Variants in IL1RAPL1 observed in about 807,000 individuals in gnomAD.
IL1RAPL1 encodes interleukin-1 receptor accessory protein-like 1.
Under a neutral mutation model 48.4 loss-of-function variants are expected in IL1RAPL1, and 3 were observed. The ratio of observed to expected loss-of-function variants is 0.06; its 90% CI spans 0.03 to 0.16. The LOEUF (loss-of-function observed/expected upper bound fraction) is 0.16. Ranked by LOEUF, IL1RAPL1 falls within the 10% of genes least tolerant of loss-of-function variation. The pLI, the probability that IL1RAPL1 is intolerant of heterozygous loss-of-function variation, is 1.00. For missense variants in IL1RAPL1, 349 were observed against 530.6 expected (o/e 0.66, Z 3.36); for synonymous variants, 185 against 187.7 (o/e 0.99, Z 0.12).
At chrX:29,908,494 T>G (rs1374667334) in intron 6 of IL1RAPL1, among the ~76,000 whole-genome samples, 1 of 110,601 alleles carries the variant, frequency 9.0e-6, no homozygotes, top group Non-Finnish European at 1.9e-5. Flanking sequence ...CTTAAGGGTA[T>G]TTTTGTCTGG....
intron 1 of IL1RAPL1, among the ~76,000 whole-genome samples, chrX:28,663,474 A>G (rs771567915): frequency 3.6e-5 from 4 of 111,863 alleles, no homozygotes; most frequent in Non-Finnish European, 5.6e-5. Flanking sequence ...TTAAAACGGG[A>G]TTGTATTTTG....
intron 2 of IL1RAPL1, among the ~76,000 whole-genome samples, chrX:29,046,597 T>TG (rs1926976040): frequency 9.0e-6 from 1 of 111,696 alleles, no homozygotes; most frequent in Admixed American, 9.5e-5. Flanking sequence ...AACCGAGATT[T>TG]GAATTCATAC....
At chrX:28,844,737 G>C (rs1208411193) in intron 2 of IL1RAPL1, among the ~76,000 whole-genome samples, 1 of 111,290 alleles carries the variant, frequency 9.0e-6, no homozygotes. Flanking sequence ...CTCTTTAATA[G>C]AAACAAAGTA....
At chrX:29,133,596 CCA>C (rs2147486074) in intron 2 of IL1RAPL1, among the ~76,000 whole-genome samples, 1 of 111,666 alleles carries the variant, frequency 9.0e-6, no homozygotes, top group East Asian at 2.8e-4. Context: ...ATTCTCCATC[CCA>C]CAGTTTTCCC....
intron 2 of IL1RAPL1, among the ~76,000 whole-genome samples, chrX:28,855,046 G>T (rs748915200): frequency 7.2e-5 from 8 of 111,676 alleles, no homozygotes; most frequent in African/African-American, 9.8e-5. Context: ...TTGAGACAGG[G>T]TCTCACTCTG....
intron 5 of IL1RAPL1, among the ~76,000 whole-genome samples, chrX:29,551,289 G>A (rs1921809962): frequency 8.9e-6 from 1 of 112,023 alleles, no homozygotes; most frequent in Non-Finnish European, 1.9e-5. Context: ...GTAGTGGACA[G>A]AGTTGAAATA....
intron 1 of IL1RAPL1, among the ~76,000 whole-genome samples, chrX:28,607,423 G>T (rs1377627016): frequency 1.8e-5 from 2 of 110,924 alleles, no homozygotes; most frequent in African/African-American, 3.3e-5. Flanking sequence ...TTGCTCTTTT[G>T]TTCTCTCATA....
intron 5 of IL1RAPL1, among the ~76,000 whole-genome samples, chrX:29,562,558 A>G (rs1474989894): frequency 8.9e-6 from 1 of 111,880 alleles, no homozygotes; most frequent in Non-Finnish European, 1.9e-5. Context: ...ATATATTAAC[A>G]TTAATGGGAT....
At chrX:29,701,015 G>T (rs1362733925) in intron 6 of IL1RAPL1, among the ~76,000 whole-genome samples, 3 of 111,802 alleles carry the variant, frequency 2.7e-5, no homozygotes. Context: ...CAGGAACTTT[G>T]ATTACAAGGA....
At chrX:28,807,707 A>G (rs917361842) in intron 2 of IL1RAPL1, among the ~76,000 whole-genome samples, 1 of 111,519 alleles carries the variant, frequency 9.0e-6, no homozygotes, top group Admixed American at 9.6e-5. Context: ...AAGGAAAAAT[A>G]TTTAAACTTT....
At chrX:29,142,489 AC>A (rs1929263874) in intron 2 of IL1RAPL1, among the ~76,000 whole-genome samples, 1 of 111,747 alleles carries the variant, frequency 8.9e-6, no homozygotes, top group African/African-American at 3.3e-5. Flanking sequence ...TCAGAAAAGA[AC>A]CCTAGTGGAC....
intron 6 of IL1RAPL1, among the ~76,000 whole-genome samples, chrX:29,742,910 C>T (rs1352235257): frequency 9.0e-6 from 1 of 111,049 alleles, no homozygotes; most frequent in African/African-American, 3.3e-5. Flanking sequence ...AAGAGAACCT[C>T]GGATTTAGAT....
intron 5 of IL1RAPL1, among the ~76,000 whole-genome samples, chrX:29,512,268 T>A (rs1602272167): frequency 9.0e-6 from 1 of 111,186 alleles, no homozygotes; most frequent in Non-Finnish European, 1.9e-5. Flanking sequence ...AAGAAAGTTA[T>A]TTAGCTACAG....
chrX:29,731,345 C>A (rs1053651547), intron 6 of IL1RAPL1, among the ~76,000 whole-genome samples: 1 of 111,913 alleles, frequency 8.9e-6, no homozygotes, highest in East Asian at 2.8e-4. Context: ...GTGAGGAGAT[C>A]CAGCCAATGT....
chrX:29,439,124 GTTTGCAATAGCAGTCA>G (rs1255867435), intron 5 of IL1RAPL1, among the ~76,000 whole-genome samples: 3 of 111,452 alleles, frequency 2.7e-5, no homozygotes, highest in Non-Finnish European at 5.7e-5. Context: ...AAGTTAAAAA[GTTTGCAATAGCAGTCA>G]TTTATTTCAT....
chrX:29,771,293 A>G (rs1311545690), intron 6 of IL1RAPL1, among the ~76,000 whole-genome samples: 4 of 112,194 alleles, frequency 3.6e-5, no homozygotes, highest in Admixed American at 1.9e-4. Context: ...AAATGTTGCC[A>G]TGTCACTTTA....
chrX:28,797,163 T>C lies in IL1RAPL1; in HGVS notation c.82+7738T>C, dbSNP rs185144056. ...GCAGGAGGACCCTGGGCCCAGCCCATGAAATCACATTTTCCTCCTAAACCT... is the reference window on the plus strand; with the variant it reads ...GCAGGAGGACCCTGGGCCCAGCCCACGAAATCACATTTTCCTCCTAAACCT... On this transcript the variant is annotated intron_variant, in intron 2 of 10. Transcript: ENST00000378993. Among the ~76,000 whole-genome samples, 710 of 111,414 alleles carry C rather than the reference T, an allele frequency of 6.4e-3. 4 individuals carry two copies. The highest frequency in any genetic ancestry group is 0.022 in the African/African-American group (672 of 30,639).
In IL1RAPL1 at chrX:28,664,907, C is replaced by G. The variant is rs190774415; in HGVS notation, c.-25+76860C>G. Among the ~76,000 whole-genome samples, 1,015 of 102,962 alleles carry G rather than the reference C, an allele frequency of 9.9e-3. 5 individuals are homozygous for G. The highest frequency in any genetic ancestry group is 0.014 in the Non-Finnish European group (685 of 49,630). The allele number at this position is 102,962 out of a possible 115,157, so 89.4% of individuals were successfully genotyped here. Reference sequence around the variant, plus strand: ...GAAGAGCAGAACTGTAGACTACTTGCTAGACTCTAAATCTGGTCTCCAATT... The same window carrying G: ...GAAGAGCAGAACTGTAGACTACTTGGTAGACTCTAAATCTGGTCTCCAATT... On this transcript the variant is annotated intron_variant, in intron 1 of 10. Transcript: ENST00000378993.
intron 6 of IL1RAPL1, among the ~76,000 whole-genome samples, chrX:29,790,958 C>G (rs762145845): frequency 9.0e-6 from 1 of 111,613 alleles, no homozygotes; most frequent in East Asian, 2.8e-4. Context: ...TGTCCTGCCA[C>G]TTCCCTTTCG....
Sources: gnomAD v4.1 joint callset for allele counts (sites outside exome capture counted in the v4.1 genomes callset) on GRCh38, gnomAD v4.1.1 for gene constraint, MANE v1.5 for transcripts, NCBI Gene and HGNC (gene_info 2026-07-23, HGNC 2026-07-21) for gene names.